The following USP32 variants were observed in gnomAD, a reference collection of about 807,000 sequenced individuals.
The protein encoded by USP32 is ubiquitin carboxyl-terminal hydrolase 32.
USP32 carries 59 observed loss-of-function variants against 204.8 expected under a neutral mutation model. The ratio of observed to expected loss-of-function variants is 0.29; its 90% CI spans 0.23 to 0.36. The LOEUF (loss-of-function observed/expected upper bound fraction) is 0.36, where lower values mean the gene tolerates loss of function less well. Among genes scored for constraint, USP32 ranks in the 10% least tolerant of loss-of-function variants. USP32 has a pLI of 1.00. For synonymous variants in USP32, 517 were observed against 678.4 expected, an observed-to-expected ratio of 0.76 and a Z score of 3.70; for missense variants, 1,160 against 1,946.4, an observed-to-expected ratio of 0.60 and a Z score of 7.60.
At chr17:60,411,795 A>G (rs1159759748) in intron 1 of USP32, among the ~76,000 whole-genome samples, 2 of 152,060 alleles carry the variant, frequency 1.3e-5, no homozygotes, top group East Asian at 1.9e-4. Flanking sequence ...AGATTCATTT[A>G]TGTTGTAGTA....
At chr17:60,259,120 C>T (rs1371714048) in intron 9 of USP32, among the ~76,000 whole-genome samples, 1 of 152,140 alleles carries the variant, frequency 6.6e-6, no homozygotes, top group Admixed American at 6.5e-5. Context: ...TGGTAGGAAC[C>T]AGCAAGGAAG....
intron 18 of USP32, among the ~76,000 whole-genome samples, chr17:60,213,044 C>T (rs1049519635): frequency 2.6e-5 from 4 of 152,180 alleles, no homozygotes; most frequent in Non-Finnish European, 5.9e-5. Flanking sequence ...TGAGCCACTG[C>T]GCCCGGCCTA....
chr17:60,233,268 C>G (rs2085623023), intron 12 of USP32, among the ~76,000 whole-genome samples: 1 of 152,174 alleles, frequency 6.6e-6, no homozygotes, highest in African/African-American at 2.4e-5. Context: ...GAGTTCGAGA[C>G]TAGCCTGGCA....
chr17:60,419,948 C>T (rs1462858553), intron 1 of USP32, among the ~76,000 whole-genome samples: 3 of 148,518 alleles, frequency 2.0e-5, no homozygotes, highest in East Asian at 2.0e-4. Flanking sequence ...CAACCTCTGC[C>T]TCCCGAGTTC....
chr17:60,238,687 C>T (rs560041372), intron 11 of USP32, among the ~76,000 whole-genome samples: 2 of 151,728 alleles, frequency 1.3e-5, no homozygotes, highest in African/African-American at 4.8e-5. Context: ...ACCTATAATC[C>T]CAGCTACTTG....
rs746989259 is a variant in USP32, at chr17:60,417,453, AT to A, written c.106+4792del. On this transcript the variant is annotated intron_variant, in intron 1 of 3. Coordinates refer to the USP32 transcript ENST00000588898. ...AAGCCACATGCCCAGCTGATTTTTA[AT>A]TTTTTTTTTTTTTTTTGTGACAGAG... Among the ~76,000 whole-genome samples, 264 of 137,930 alleles carry A rather than the reference AT, an allele frequency of 1.9e-3. 1 individual carries two copies. Among genetic ancestry groups the A allele is most frequent in the Middle Eastern group, 7.7e-3 (2 of 260 alleles). The allele number at this position is 137,930 out of a possible 152,430, so 90.5% of individuals were successfully genotyped here.
At chr17:60,407,454 A>G (rs1171637926) in intron 1 of USP32, among the ~76,000 whole-genome samples, 3 of 152,172 alleles carry the variant, frequency 2.0e-5, no homozygotes, top group Non-Finnish European at 4.4e-5. Flanking sequence ...AAACCTTACT[A>G]AAAGGTCTAA....
rs575771435 is a variant in USP32, at chr17:60,326,467, T to C, written c.186+19014A>G. ...CTGGGATTACAGGCACCGACAACCA[T>C]GCTCGGCTAATTTTTGTATTTTTGG... On this transcript the variant is annotated intron_variant, in intron 2 of 33. Transcript: ENST00000300896. Among the ~76,000 whole-genome samples, 98 of 152,228 alleles carry C rather than the reference T, an allele frequency of 6.4e-4. 3 individuals are homozygous for C. The South Asian group carries it at 0.02, about 31-fold the overall frequency.
At position 60,205,649 on chromosome 17, in the gene USP32, G is replaced by C; in HGVS notation, c.3047C>G (p.Ser1016Cys). The part of the protein sequence containing the change: ...ASSPTQTDFS[S>C]SPSTNEMFTL... ...GAACATTTCATTTGTAGATGGCGAA[G>C]AGGAGAAATCTACAAATTCAAAGAT... Residue 1016 changes from serine to cysteine, a missense_variant, in exon 26 of 34, where the codon TCT becomes TGT. By Grantham distance (112) the Ser-to-Cys change is moderately radical (BLOSUM62 -1). This residue lies in a region of USP32 where 47 missense variants were observed against 71.1 expected (regional missense o/e 0.66). Transcript: ENST00000300896. The C allele has an allele frequency of 6.2e-7, 1 of 1,613,984 alleles. No individual in the cohort carries two copies. The highest frequency in any genetic ancestry group is 8.5e-7 in the Non-Finnish European group (1 of 1,179,846).
intron 5 of USP32, among the ~76,000 whole-genome samples, chr17:60,276,626 C>T (rs1440451911): frequency 6.6e-6 from 1 of 152,116 alleles, no homozygotes; most frequent in Non-Finnish European, 1.5e-5. Flanking sequence ...TCAATAAGTA[C>T]TTCTGATTAA....
At chr17:60,387,166 C>G (rs965762801) in intron 1 of USP32, among the ~76,000 whole-genome samples, 1 of 152,106 alleles carries the variant, frequency 6.6e-6, no homozygotes, top group Non-Finnish European at 1.5e-5. Flanking sequence ...TTATGCTAAA[C>G]GAACTAACAT....
intron 11 of USP32, among the ~76,000 whole-genome samples, chr17:60,250,098 T>C (rs1353310938): frequency 6.6e-6 from 1 of 152,074 alleles, no homozygotes; most frequent in Non-Finnish European, 1.5e-5. Flanking sequence ...AAATACAAAA[T>C]ACAAAAGGCA....
chr17:60,230,274 A>G (rs2145607688), intron 12 of USP32, among the ~76,000 whole-genome samples: 1 of 152,336 alleles, frequency 6.6e-6, no homozygotes, highest in East Asian at 1.9e-4. Flanking sequence ...CATGTTTGAA[A>G]GTCTTACATG....
chr17:60,354,605 C>T (rs2089025621), intron 1 of USP32, among the ~76,000 whole-genome samples: 1 of 152,040 alleles, frequency 6.6e-6, no homozygotes, highest in Admixed American at 6.6e-5. Flanking sequence ...TGGTAGGGTC[C>T]CTGCTAAAAA....
At chr17:60,399,255 C>A (rs2089918827) in intron 1 of USP32, among the ~76,000 whole-genome samples, 1 of 152,000 alleles carries the variant, frequency 6.6e-6, no homozygotes, top group Non-Finnish European at 1.5e-5. Context: ...AATTTATATT[C>A]TAGTAGGAAA....
intron 4 of USP32, among the ~76,000 whole-genome samples, chr17:60,290,061 T>C (rs2087232400): frequency 6.6e-6 from 1 of 152,178 alleles, no homozygotes; most frequent in Non-Finnish European, 1.5e-5. Context: ...GGGTCATTCT[T>C]GTCATAACTA....
Position 60,320,359 on chromosome 17 carries a change from CAAGT to C in USP32, c.187-18659_187-18656del, listed in dbSNP as rs539830165. 1.6e-4 allele frequency among the ~76,000 whole-genome samples: 25 copies of C among 152,200 alleles called. No individual in the cohort carries two copies. The East Asian group carries it at 4.8e-3, about 29-fold the overall frequency. On this transcript the variant is annotated intron_variant, in intron 2 of 33. Transcript: ENST00000300896. Reference sequence around the variant, plus strand: ...TACATTTGAGGAAAATTAATAAAAACAAGTAAGATAAATTACTATATCTACCCAA... The same window carrying C: ...TACATTTGAGGAAAATTAATAAAAACAAGATAAATTACTATATCTACCCAA...
chr17:60,327,384 G>A (rs563074958), intron 2 of USP32, among the ~76,000 whole-genome samples: 147 of 151,126 alleles, frequency 9.7e-4, no homozygotes, highest in Middle Eastern at 3.4e-3. Flanking sequence ...AGCAGCCCAT[G>A]GCACAGCTGT....
intron 1 of USP32, among the ~76,000 whole-genome samples, chr17:60,365,724 GA>G (rs1479114709): frequency 1.3e-5 from 2 of 151,964 alleles, no homozygotes; most frequent in African/African-American, 4.8e-5. Flanking sequence ...ATTATTAAAA[GA>G]ATGCATTAAG....
Sources: allele counts gnomAD v4.1 joint callset (sites outside exome capture counted in the v4.1 genomes callset), GRCh38; gene constraint gnomAD v4.1.1; regional missense constraint gnomAD v4.1.1; transcripts MANE v1.5; gene names NCBI Gene and HGNC (gene_info 2026-07-23, HGNC 2026-07-21).